Variants in KLHL13 observed in about 807,000 individuals in gnomAD.
The protein encoded by KLHL13 is kelch like family member 13.
KLHL13 carries 10 observed loss-of-function variants against 37.1 expected under a neutral mutation model. The observed-to-expected ratio is 0.27, with a 90% confidence interval of 0.17 to 0.46. The LOEUF (loss-of-function observed/expected upper bound fraction) is 0.46. Among genes scored for constraint, KLHL13 ranks in the 20% least tolerant of loss-of-function variants. The pLI is 1.00. For synonymous variants in KLHL13, 163 were observed against 181.2 expected (o/e 0.90, Z 0.81); for missense variants, 360 against 509.3 (o/e 0.71, Z 2.82).
intron 1 of KLHL13, among the ~76,000 whole-genome samples, chrX:118,030,281 T>G (rs1437070921): frequency 8.9e-6 from 1 of 112,096 alleles, no homozygotes; most frequent in Non-Finnish European, 1.9e-5. Flanking sequence ...TCACATGAAC[T>G]GACCTTCGAT....
chrX:118,007,270 G>A (rs1440398225), intron 1 of KLHL13, among the ~76,000 whole-genome samples: 1 of 106,681 alleles, frequency 9.4e-6, no homozygotes, highest in East Asian at 3.0e-4. Flanking sequence ...TTAGCCAGGC[G>A]TGGTGGTGTG....
chrX:118,113,779 G>T (rs1412193811), intron 1 of KLHL13, among the ~76,000 whole-genome samples: 1 of 111,766 alleles, frequency 8.9e-6, no homozygotes, highest in East Asian at 2.8e-4. Context: ...TCATTTGTTT[G>T]CTCGTTTATT....
At chrX:118,111,279 C>A (rs1420486174) in intron 1 of KLHL13, among the ~76,000 whole-genome samples, 1 of 112,290 alleles carries the variant, frequency 8.9e-6, no homozygotes, top group Non-Finnish European at 1.9e-5. Flanking sequence ...TGGTGCAACC[C>A]CATAAACATA....
intron 1 of KLHL13, among the ~76,000 whole-genome samples, chrX:118,013,567 G>T (rs146320017): frequency 8.9e-6 from 1 of 111,978 alleles, no homozygotes; most frequent in Non-Finnish European, 1.9e-5. Context: ...TATAAATTAC[G>T]TTGGTCGAGG....
intron 1 of KLHL13, among the ~76,000 whole-genome samples, chrX:118,086,902 T>C (rs2055060479): frequency 1.8e-5 from 2 of 111,356 alleles, no homozygotes; most frequent in Admixed American, 1.9e-4. Context: ...GTGTTAGTCC[T>C]ATATGTACCT....
At chrX:118,004,309 C>G (rs1179987657) in intron 1 of KLHL13, among the ~76,000 whole-genome samples, 1 of 111,617 alleles carries the variant, frequency 9.0e-6, no homozygotes, top group Non-Finnish European at 1.9e-5. Context: ...TCCTAGCTCT[C>G]TCCATCAAAA....
intron 1 of KLHL13, among the ~76,000 whole-genome samples, chrX:117,996,887 G>C (rs1020800172): frequency 9.2e-6 from 1 of 108,183 alleles, no homozygotes; most frequent in Non-Finnish European, 1.9e-5. Context: ...CAAAGAAACA[G>C]GACATTTCCA....
intron 1 of KLHL13, among the ~76,000 whole-genome samples, chrX:118,028,895 A>G (rs1481994319): frequency 8.9e-6 from 1 of 111,754 alleles, no homozygotes; most frequent in Non-Finnish European, 1.9e-5. Flanking sequence ...CACCATTCTG[A>G]GTGGCAGGAT....
intron 1 of KLHL13, among the ~76,000 whole-genome samples, chrX:118,091,438 T>C (rs888421040): frequency 4.5e-5 from 5 of 110,271 alleles, no homozygotes; most frequent in Admixed American, 2.9e-4. Context: ...AGTAAAGAAA[T>C]AGAAGATATA....
intron 4 of KLHL13, among the ~76,000 whole-genome samples, chrX:117,914,669 A>C (rs1050961250): frequency 1.8e-5 from 2 of 111,382 alleles, no homozygotes; most frequent in African/African-American, 3.3e-5. Flanking sequence ...AATAATAAAC[A>C]CCTCTCTCTC....
intron 1 of KLHL13, among the ~76,000 whole-genome samples, chrX:118,010,595 TG>T (rs1412972778): frequency 4.1e-5 from 2 of 49,135 alleles, no homozygotes; most frequent in East Asian, 7.7e-4. Flanking sequence ...TGTGGTGGGG[TG>T]GGGGGAGGGG....
At chrX:118,111,728 TA>T (rs1272331486) in intron 1 of KLHL13, among the ~76,000 whole-genome samples, 1 of 111,773 alleles carries the variant, frequency 8.9e-6, no homozygotes, top group Non-Finnish European at 1.9e-5. Flanking sequence ...CTGTCTCTAC[TA>T]AAAATACAAA....
chrX:118,110,989 A>G (rs2055404328), intron 1 of KLHL13, among the ~76,000 whole-genome samples: 1 of 112,347 alleles, frequency 8.9e-6, no homozygotes, highest in Non-Finnish European at 1.9e-5. Flanking sequence ...TCCTCTATTT[A>G]CAGTTATTGC....
intron 1 of KLHL13, among the ~76,000 whole-genome samples, chrX:118,052,251 G>A (rs1434545706): frequency 1.8e-5 from 2 of 110,479 alleles, no homozygotes; most frequent in Non-Finnish European, 3.8e-5. Flanking sequence ...GGTGGCTCAC[G>A]CCTGTAATCC....
At chrX:118,029,596 C>T (rs1389274170) in intron 1 of KLHL13, among the ~76,000 whole-genome samples, 1 of 111,951 alleles carries the variant, frequency 8.9e-6, no homozygotes, top group Non-Finnish European at 1.9e-5. Context: ...GTAAATTTTA[C>T]TTAAATATCT....
chrX:118,010,165 T>C (rs1188556971), intron 1 of KLHL13, among the ~76,000 whole-genome samples: 1 of 98,653 alleles, frequency 1.0e-5, no homozygotes, highest in Non-Finnish European at 2.0e-5. Context: ...GTTCAACCAT[T>C]GTGGAAGACA....
At chrX:117,972,656 C>T (rs878908982) in intron 1 of KLHL13, 3 of 897,351 alleles carry the variant, frequency 3.3e-6, no homozygotes, top group African/African-American at 2.0e-5. Context: ...TTTGGGGGCT[C>T]CCCCGCCCCC....
chrX:118,006,385 A>G (rs1004481645), intron 1 of KLHL13, among the ~76,000 whole-genome samples: 1 of 111,016 alleles, frequency 9.0e-6, no homozygotes, highest in African/African-American at 3.3e-5. Flanking sequence ...AAAAAAAAAG[A>G]AAAACCAAAC....
Position 118,087,299 on chromosome X carries a change from G to A in KLHL13, c.-56+29209C>T, listed in dbSNP as rs140859274. Among the ~76,000 whole-genome samples, 899 of 109,732 alleles carry A rather than the reference G, an allele frequency of 8.2e-3. 10 individuals carry two copies. The highest frequency in any genetic ancestry group is 0.026 in the African/African-American group (790 of 30,213). ...CCTATAATTTGAGATGGCCCATTCC[G>A]TACTTCAATAGCTTTATCAGAAAAA... On this transcript the variant is annotated intron_variant, in intron 1 of 6. Coordinates refer to the KLHL13 transcript ENST00000371882.
Sources: allele counts gnomAD v4.1 joint callset (sites outside exome capture counted in the v4.1 genomes callset), GRCh38; gene constraint gnomAD v4.1.1; transcripts MANE v1.5; gene names NCBI Gene and HGNC (gene_info 2026-07-23, HGNC 2026-07-21).